The following ANKIB1 variants were observed in gnomAD, a reference collection of about 807,000 sequenced individuals.
ANKIB1 encodes ankyrin repeat and IBR domain containing 1.
Under a neutral mutation model 122.1 loss-of-function variants are expected in ANKIB1, and 43 were observed. The ratio of observed to expected loss-of-function variants is 0.35; its 90% confidence interval spans 0.28 to 0.45. The LOEUF (loss-of-function observed/expected upper bound fraction) is 0.45. ANKIB1 is among the 20% of genes least tolerant of loss of function. The pLI is 1.00. For synonymous variants in ANKIB1, 390 were observed against 442.0 expected, an observed-to-expected ratio of 0.88 and a Z score of 1.48; for missense variants, 992 against 1,329.5, an observed-to-expected ratio of 0.75 and a Z score of 3.95.
At chr7:92,358,815 C>G (rs549598987) in intron 9 of ANKIB1, among the ~76,000 whole-genome samples, 53 of 151,820 alleles carry the variant, frequency 3.5e-4, no homozygotes, top group Middle Eastern at 3.4e-3. Context: ...TACTTCTGGG[C>G]TTTTTTTTCT....
chr7:92,286,350 A>G (rs1175180653), intron 1 of ANKIB1, among the ~76,000 whole-genome samples: 2 of 152,044 alleles, frequency 1.3e-5, no homozygotes, highest in Admixed American at 1.3e-4. Context: ...ACGAGATTGC[A>G]TAGAGGTTAG....
intron 3 of ANKIB1, among the ~76,000 whole-genome samples, chr7:92,313,267 A>T (rs1802728348): frequency 6.6e-6 from 1 of 152,206 alleles, no homozygotes; most frequent in Admixed American, 6.6e-5. Context: ...CTTTTCCTTT[A>T]CAGCTACAGG....
At chr7:92,263,258 C>T (rs1484027303) in intron 1 of ANKIB1, among the ~76,000 whole-genome samples, 2 of 152,084 alleles carry the variant, frequency 1.3e-5, no homozygotes, top group African/African-American at 4.8e-5. Context: ...TAATATTAAA[C>T]CTGTAAGTTG....
rs147214575 is a variant in ANKIB1, at chr7:92,335,789, G to A, written c.788-7235G>A. Among the ~76,000 whole-genome samples the A allele has an allele frequency of 2.7e-4, 41 of 151,928 alleles. No individual in the cohort carries two copies. In the South Asian group the frequency reaches 2.7e-3, roughly 10 times the overall value. ...GTAATATTGTTGTGGTTGGATTTAG[G>A]TCTTCCATTTCACTGTTTGTTTGTT... On this transcript the variant is annotated intron_variant, in intron 5 of 19. Transcript: ENST00000265742.
chr7:92,352,561 A>G lies in ANKIB1; in HGVS notation c.1316A>G (p.Asn439Ser). The change falls in exon 9 of 20, where the codon AAT becomes AGT. Residue 439 changes from asparagine to serine, a missense_variant. Around this residue, in one of 4 missense-constraint regions of ANKIB1, gnomAD observed 521 missense variants for 777.7 expected, o/e 0.67. Transcript: ENST00000265742. ...GTAAGACTAACGAAACAAGGGTCAA[A>G]TACATCTGGATCTGATACACTCAGC... ...RAVRLTKQGS[N>S]TSGSDTLSFP... 1 of 1,613,746 alleles carries G rather than the reference A, an allele frequency of 6.2e-7. No homozygotes were observed. Among genetic ancestry groups the G allele is most frequent in the Non-Finnish European group, 8.5e-7 (1 of 1,179,840 alleles).
chr7:92,281,520 G>T lies in ANKIB1; in HGVS notation c.-90-13369G>T, dbSNP rs531927192. On this transcript the variant is annotated intron_variant, in intron 1 of 19. Transcript: ENST00000265742. ...TAAAGTAGAATGTCCTCAGACAAAT[G>T]GGGCTGAAATTGTAATATTGAATAA... Among the ~76,000 whole-genome samples, 4 of 152,274 alleles carry T rather than the reference G, an allele frequency of 2.6e-5. No individual in the cohort carries two copies. The East Asian group carries it at 7.7e-4, about 29-fold the overall frequency.
At position 92,358,610 on chromosome 7, in the gene ANKIB1, G is replaced by A. The variant is rs188950967; in HGVS notation, c.1398-3575G>A. Among the ~76,000 whole-genome samples, 444 of 115,012 alleles carry A rather than the reference G, an allele frequency of 3.9e-3. 2 individuals carry two copies. Among genetic ancestry groups the A allele is most frequent in the African/African-American group, 0.014 (419 of 29,588 alleles). 75.5% of individuals were successfully genotyped at this position (115,012 alleles called of 152,430 possible). On this transcript the variant is annotated intron_variant, in intron 9 of 19. Coordinates refer to ENST00000265742, the MANE Select transcript of ANKIB1 (RefSeq NM_019004.2). Reference sequence around the variant, plus strand: ...CCCATGATTCTTTTTTTTTTTCCCAGAACATTTTCAGAAAATGTTCTGACA... The same window carrying A: ...CCCATGATTCTTTTTTTTTTTCCCAAAACATTTTCAGAAAATGTTCTGACA...
chr7:92,384,895 TTAAAC>T (rs1412186947), intron 11 of ANKIB1, among the ~76,000 whole-genome samples: 1 of 152,058 alleles, frequency 6.6e-6, no homozygotes, highest in Non-Finnish European at 1.5e-5. Flanking sequence ...TGGGATCTGA[TTAAAC>T]TAAAGAGTTT....
chr7:92,326,138 A>C, intron 4 of ANKIB1: 1 of 191,526 alleles, frequency 5.2e-6, no homozygotes, highest in Non-Finnish European at 1.1e-5. Flanking sequence ...TATGTTCATG[A>C]AGGCAGTATG....
chr7:92,273,331 T>A (rs1801836728), intron 1 of ANKIB1, among the ~76,000 whole-genome samples: 1 of 142,316 alleles, frequency 7.0e-6, no homozygotes, highest in Non-Finnish European at 1.5e-5. Flanking sequence ...AGTGATTCAA[T>A]GACATCATAA....
At chr7:92,380,545 C>T (rs1337780998) in intron 11 of ANKIB1, among the ~76,000 whole-genome samples, 2 of 152,256 alleles carry the variant, frequency 1.3e-5, no homozygotes, top group East Asian at 3.9e-4. Flanking sequence ...GAGGAAGGAC[C>T]AGGCAGCAAT....
intron 5 of ANKIB1, among the ~76,000 whole-genome samples, chr7:92,336,348 A>G (rs1275143545): frequency 1.3e-5 from 2 of 150,706 alleles, no homozygotes; most frequent in Non-Finnish European, 3.0e-5. Context: ...GCTTTCATTT[A>G]TTTACTTAGT....
At chr7:92,369,415 C>T (rs1033274007) in intron 10 of ANKIB1, among the ~76,000 whole-genome samples, 1 of 152,182 alleles carries the variant, frequency 6.6e-6, no homozygotes, top group African/African-American at 2.4e-5. Context: ...CTTGGGGTTC[C>T]TTGCAGCAAG....
chr7:92,378,887 A>G (rs1271742311), intron 11 of ANKIB1, among the ~76,000 whole-genome samples: 1 of 152,230 alleles, frequency 6.6e-6, no homozygotes, highest in Non-Finnish European at 1.5e-5. Context: ...GTGTGTATCA[A>G]CAACAGTCAA....
intron 10 of ANKIB1, among the ~76,000 whole-genome samples, chr7:92,364,076 G>T (rs548510018): frequency 1.3e-5 from 2 of 152,116 alleles, no homozygotes; most frequent in East Asian, 3.9e-4. Context: ...GGGAGGCCGA[G>T]GCAGGTGGAT....
In ANKIB1 at chr7:92,344,960, GTTC is replaced by G. The variant is rs777729797; in HGVS notation, c.997-11_997-9del. 35 of 1,578,932 alleles carry G rather than the reference GTTC, an allele frequency of 2.2e-5. No homozygotes were observed. The Admixed American group carries it at 2.7e-4, about 12-fold the overall frequency. ...GAAGTACATTTCTGTTTAAATCATT[GTTC>G]TTCTTCATCTCCAGTGTGACATTTG... On this transcript the variant is annotated splice_polypyrimidine_tract_variant and intron_variant, in intron 6 of 19. Coordinates refer to ENST00000265742, the MANE Select transcript of ANKIB1 (RefSeq NM_019004.2).
intron 1 of ANKIB1, among the ~76,000 whole-genome samples, chr7:92,248,846 C>T (rs1801258454): frequency 6.7e-6 from 1 of 150,348 alleles, no homozygotes; most frequent in Admixed American, 6.6e-5. Flanking sequence ...CTCAGACTGC[C>T]TCTTTCTTTT....
In ANKIB1 at chr7:92,246,418, G is replaced by C. The variant is rs1174061879; in HGVS notation, c.-192G>C. 2 of 513,982 alleles carry C rather than the reference G, an allele frequency of 3.9e-6. No individual in the cohort carries two copies. The highest frequency in any genetic ancestry group is 3.9e-5 in the African/African-American group (2 of 51,892). 31.8% of individuals were successfully genotyped at this position (513,982 alleles called of 1,614,324 possible). A position where few individuals can be genotyped will look rare whatever the true frequency, so the allele number is the denominator to read the frequency against. ...CGTCCGGGTGGGTGGGGCGGGCTGG[G>C]TACCTGAGGTCACCAGCTCGGCTGT... is the stretch of plus-strand genomic sequence containing the variant. On this transcript the variant is annotated 5_prime_UTR_variant, in exon 1 of 20. Coordinates refer to ENST00000265742, the MANE Select transcript of ANKIB1 (RefSeq NM_019004.2).
chr7:92,295,256 G>T (rs1475405650), intron 2 of ANKIB1, 90 bp downstream of exon 2: 8 of 927,968 alleles, frequency 8.6e-6, no homozygotes, highest in Non-Finnish European at 1.2e-5. Flanking sequence ...TATGATTTTT[G>T]AAAATACGGA....
Sources: allele counts gnomAD v4.1 joint callset (sites outside exome capture counted in the v4.1 genomes callset), GRCh38; gene constraint gnomAD v4.1.1; regional missense constraint gnomAD v4.1.1; transcripts MANE v1.5; gene names NCBI Gene and HGNC (gene_info 2026-07-23, HGNC 2026-07-21).